The following PIGK variants were observed in gnomAD, a reference collection of about 807,000 sequenced individuals.
The protein encoded by PIGK is phosphatidylinositol glycan anchor biosynthesis class K.
Under a neutral mutation model 50.6 loss-of-function variants are expected in PIGK, and 42 were observed. That is an observed-to-expected ratio of 0.83 (90% CI 0.65 to 1.07). The LOEUF (loss-of-function observed/expected upper bound fraction) is 1.07, where lower values mean the gene tolerates loss of function less well. Ranked by LOEUF, PIGK falls within the 50% of genes least tolerant of loss-of-function variation. The pLI, the probability that PIGK is intolerant of heterozygous loss-of-function variation, is 0.00. For synonymous variants in PIGK, 151 were observed against 156.0 expected (o/e 0.97, Z 0.24); for missense variants, 448 against 488.7 (o/e 0.92, Z 0.78).
At chr1:77,128,874 T>C (rs1193118190) in intron 9 of PIGK, among the ~76,000 whole-genome samples, 1 of 152,208 alleles carries the variant, frequency 6.6e-6, no homozygotes, top group African/African-American at 2.4e-5. Context: ...TGTCACCTGT[T>C]TCTGTATGTC....
chr1:77,208,710 GT>G (rs1488209676), intron 2 of PIGK, among the ~76,000 whole-genome samples: 3 of 151,962 alleles, frequency 2.0e-5, no homozygotes, highest in Admixed American at 6.6e-5. Flanking sequence ...TATATAAGAG[GT>G]TTTTTTCTTG....
rs199917650 is a variant in PIGK, at chr1:77,210,509, T to C, written c.94-20A>G. Reference sequence around the variant, plus strand: ...TTGATCCTAAATAAAGCAAAACAAATAGAAGAAAAAGGCACAATTTCTCAG... The same window carrying C: ...TTGATCCTAAATAAAGCAAAACAAACAGAAGAAAAAGGCACAATTTCTCAG... On this transcript the variant is annotated intron_variant, in intron 1 of 10. Coordinates refer to ENST00000370812, the MANE Select transcript of PIGK (RefSeq NM_005482.3). 2.9e-5 allele frequency: 45 copies of C among 1,551,934 alleles called. No homozygotes were observed. The East Asian group carries it at 1.0e-3, about 36-fold the overall frequency.
At chr1:77,095,818 A>C (rs555226219) in intron 10 of PIGK, among the ~76,000 whole-genome samples, 1 of 152,238 alleles carries the variant, frequency 6.6e-6, no homozygotes, top group East Asian at 1.9e-4. Flanking sequence ...GTCACTTGGA[A>C]CCATATAACA....
chr1:77,135,413 T>C (rs1208286992), intron 9 of PIGK, among the ~76,000 whole-genome samples: 2 of 152,172 alleles, frequency 1.3e-5, no homozygotes, highest in East Asian at 3.9e-4. Context: ...CATATATGTA[T>C]ATGTACTATG....
chr1:77,209,815 G>A (rs1219997446), intron 2 of PIGK, among the ~76,000 whole-genome samples: 1 of 151,922 alleles, frequency 6.6e-6, no homozygotes, highest in Non-Finnish European at 1.5e-5. Context: ...CAAAATAGCA[G>A]GTATAATATG....
At chr1:77,100,065 G>A (rs1653507382) in intron 10 of PIGK, among the ~76,000 whole-genome samples, 1 of 152,202 alleles carries the variant, frequency 6.6e-6, no homozygotes, top group South Asian at 2.1e-4. Context: ...ATGTTGCTAG[G>A]AGAACATTAC....
rs1272059413 is a variant in PIGK, at chr1:77,092,044, G to A, written c.*330C>T. 6.3e-6 allele frequency: 1 copy of A among 158,134 alleles called. No homozygotes were observed. Among genetic ancestry groups the A allele is most frequent in the Non-Finnish European group, 1.4e-5 (1 of 72,368 alleles). 9.8% of individuals were successfully genotyped at this position (158,134 alleles called of 1,614,324 possible). On this transcript the variant is annotated 3_prime_UTR_variant, in exon 11 of 11. Coordinates refer to ENST00000370812, the MANE Select transcript of PIGK (RefSeq NM_005482.3). ...TAACCAAAGTTACTTCTGTTAGTGA[G>A]AATTTAATGTCTTCACAATTGTTTC...
chr1:77,210,628 G>A, intron 1 of PIGK, 139 bp from the exon 2 acceptor site: 1 of 558,752 alleles, frequency 1.8e-6, no homozygotes, highest in Non-Finnish European at 3.2e-6. Flanking sequence ...TCCAGTATTT[G>A]TCATTATGGA....
chr1:77,163,570 T>C (rs1401177761), intron 6 of PIGK, among the ~76,000 whole-genome samples: 1 of 152,144 alleles, frequency 6.6e-6, no homozygotes, highest in Admixed American at 6.6e-5. Flanking sequence ...TAATAATAGC[T>C]AACTTGGTTG....
Position 77,210,449 on chromosome 1 carries a change from T to C in PIGK, c.134A>G (p.Asn45Ser). ...CAGTATACTTACCAGAACAGCCCAG[T>C]TGTTTGTATGGCCACTTCTAAAGAA... is the stretch of plus-strand genomic sequence containing the variant. Reference protein sequence around the residue: ...EQFFRSGHTNNWAVLVCTSRF... With the variant: ...EQFFRSGHTNSWAVLVCTSRF... Residue 45 changes from asparagine (N) to serine (S), a missense_variant, in exon 2 of 11, where the codon AAC (asparagine) becomes AGC (serine). Coordinates refer to ENST00000370812, the MANE Select transcript of PIGK (RefSeq NM_005482.3). 1 of 1,594,522 alleles carries C rather than the reference T, an allele frequency of 6.3e-7. No homozygotes were observed. The highest frequency in any genetic ancestry group is 1.1e-5 in the South Asian group (1 of 88,850).
At chr1:77,094,327 C>A (rs1653362619) in intron 10 of PIGK, among the ~76,000 whole-genome samples, 1 of 152,056 alleles carries the variant, frequency 6.6e-6, no homozygotes, top group Non-Finnish European at 1.5e-5. Flanking sequence ...AAAACACTCA[C>A]AATTAGGTTA....
chr1:77,127,355 G>A (rs1397846553), intron 9 of PIGK, among the ~76,000 whole-genome samples: 1 of 152,194 alleles, frequency 6.6e-6, no homozygotes, highest in Non-Finnish European at 1.5e-5. Flanking sequence ...CTCAGAAAGA[G>A]TAAAGTTTAT....
intron 6 of PIGK, among the ~76,000 whole-genome samples, chr1:77,163,192 T>C (rs942707240): frequency 6.6e-6 from 1 of 152,228 alleles, no homozygotes; most frequent in Admixed American, 6.5e-5. Flanking sequence ...ACAGTATTTA[T>C]TTTGTAGCAT....
intron 9 of PIGK, chr1:77,129,732 A>T: frequency 3.7e-6 from 3 of 806,896 alleles, no homozygotes; most frequent in South Asian, 2.8e-5. Context: ...TAAATAAATA[A>T]ATAAATATTT....
chr1:77,193,918 A>G (rs1655970518), intron 3 of PIGK, among the ~76,000 whole-genome samples: 1 of 152,216 alleles, frequency 6.6e-6, no homozygotes, highest in African/African-American at 2.4e-5. Flanking sequence ...ACTGGGAGAA[A>G]ATGTCTGCAA....
chr1:77,106,090 T>C (rs1037460678), intron 10 of PIGK, among the ~76,000 whole-genome samples: 1 of 152,208 alleles, frequency 6.6e-6, no homozygotes, highest in Non-Finnish European at 1.5e-5. Context: ...CAAAAATGAA[T>C]AATGCTTGTT....
intron 5 of PIGK, among the ~76,000 whole-genome samples, chr1:77,164,231 T>C (rs979075004): frequency 3.9e-5 from 6 of 152,070 alleles, no homozygotes; most frequent in Non-Finnish European, 8.8e-5. Context: ...CAGAAATGAG[T>C]TTCCATTCAC....
At chr1:77,157,173 A>G (rs532925576) in intron 8 of PIGK, among the ~76,000 whole-genome samples, 1 of 152,238 alleles carries the variant, frequency 6.6e-6, no homozygotes, top group Non-Finnish European at 1.5e-5. Context: ...GCTGATACTC[A>G]GCAAACTTTA....
rs1653257395 is a variant in PIGK, at chr1:77,089,839, A to G, written c.*2535T>C. 1 of 152,592 alleles carries G rather than the reference A, an allele frequency of 6.6e-6. No homozygotes were observed. The highest frequency in any genetic ancestry group is 1.5e-5 in the Non-Finnish European group (1 of 68,040). The allele number at this position is 152,592 out of a possible 1,614,324, so 9.5% of individuals were successfully genotyped here. On this transcript the variant is annotated 3_prime_UTR_variant, in exon 11 of 11. Coordinates refer to ENST00000370812, the MANE Select transcript of PIGK (RefSeq NM_005482.3). ...ATTATTTGATTTCTTTTTCTCACAC[A>G]GGCTGCCTTTGCAGGATGGCATCAT... is the stretch of plus-strand genomic sequence containing the variant.
Sources: allele counts gnomAD v4.1 joint callset (sites outside exome capture counted in the v4.1 genomes callset), GRCh38; gene constraint gnomAD v4.1.1; transcripts MANE v1.5; gene names NCBI Gene and HGNC (gene_info 2026-07-23, HGNC 2026-07-21).